The following VPS13D variants were observed in gnomAD, a reference collection of about 807,000 sequenced individuals.
The protein encoded by VPS13D is vacuolar protein sorting 13 homolog D.
In VPS13D, 187 loss-of-function variants were observed where a neutral mutation model predicts 461.9. The observed-to-expected ratio is 0.40, with a 90% CI of 0.36 to 0.46. The LOEUF (loss-of-function observed/expected upper bound fraction) is 0.46. VPS13D is among the 20% of genes least tolerant of loss of function. VPS13D has a pLI of 0.60. For missense variants in VPS13D, 4,711 were observed against 5,364.9 expected, an observed-to-expected ratio of 0.88 and a Z score of 3.81; for synonymous variants, 1,951 against 1,986.3, an observed-to-expected ratio of 0.98 and a Z score of 0.47.
intron 67 of VPS13D, among the ~76,000 whole-genome samples, chr1:12,482,156 C>T (rs1410153955): frequency 1.3e-5 from 2 of 152,194 alleles, no homozygotes; most frequent in East Asian, 1.9e-4. Flanking sequence ...GCAACTTTCA[C>T]GGCCCTGTTC....
At chr1:12,374,658 T>C (rs1644172511) in intron 55 of VPS13D, among the ~76,000 whole-genome samples, 1 of 152,250 alleles carries the variant, frequency 6.6e-6, no homozygotes, top group African/African-American at 2.4e-5. Context: ...TGCATATGTA[T>C]ATGTGTCATT....
At chr1:12,330,013 G>T in intron 37 of VPS13D, 95 bp downstream of exon 37, 2 of 738,964 alleles carry the variant, frequency 2.7e-6, no homozygotes, top group East Asian at 7.0e-5. Flanking sequence ...GAAGGAAAGG[G>T]CAGGGGTGGG....
intron 13 of VPS13D, among the ~76,000 whole-genome samples, chr1:12,265,897 G>A (rs1245091621): frequency 2.6e-5 from 4 of 152,162 alleles, no homozygotes; most frequent in Non-Finnish European, 4.4e-5. Flanking sequence ...GGTGGCTCAC[G>A]CCTGTAATCC....
chr1:12,398,127 A>G (rs1644523086), intron 60 of VPS13D, among the ~76,000 whole-genome samples: 1 of 152,248 alleles, frequency 6.6e-6, no homozygotes, highest in Non-Finnish European at 1.5e-5. Context: ...TAGAGAATAC[A>G]TTGTAGGAGG....
Position 12,378,580 on chromosome 1 carries a change from G to A in VPS13D, c.11070G>A (p.Val3690=). Residue 3690 remains valine, a synonymous_variant, in exon 56 of 70, where the codon GTG becomes GTA. Coordinates refer to ENST00000620676, the MANE Select transcript of VPS13D (RefSeq NM_015378.4). The part of the protein sequence containing the change: ...AILDIAGLAA[V]TDNRYEPLML... ...TAGATATTGCTGGTCTCGCTGCAGT[G>A]ACTGACAACAGGTAATTTTCTAGGC... The A allele has an allele frequency of 6.4e-7, 1 of 1,571,602 alleles. No homozygotes were observed. Among genetic ancestry groups the A allele is most frequent in the Non-Finnish European group, 8.6e-7 (1 of 1,159,368 alleles).
At chr1:12,426,188 G>A (rs1274176226) in intron 65 of VPS13D, among the ~76,000 whole-genome samples, 1 of 152,234 alleles carries the variant, frequency 6.6e-6, no homozygotes, top group African/African-American at 2.4e-5. Context: ...TGACGAAGCT[G>A]ATGTTCCTGT....
At chr1:12,304,460 C>A in intron 25 of VPS13D, 46 bp from the exon 26 acceptor site, 1 of 1,541,362 alleles carries the variant, frequency 6.5e-7, no homozygotes, top group South Asian at 1.2e-5. Context: ...CCAGTGCTGC[C>A]CCCTTCCCAT....
chr1:12,233,815 A>G (rs1459196994), intron 1 of VPS13D, among the ~76,000 whole-genome samples: 2 of 152,158 alleles, frequency 1.3e-5, no homozygotes, highest in African/African-American at 2.4e-5. Context: ...TGGGTGGCTG[A>G]GGCGGGTGGA....
chr1:12,404,030 T>A (rs1245830141), intron 63 of VPS13D, 57 bp downstream of exon 63: 1 of 1,512,812 alleles, frequency 6.6e-7, no homozygotes, highest in Non-Finnish European at 8.9e-7. Flanking sequence ...AAAGAATGAG[T>A]GTGTTTACTA....
intron 13 of VPS13D, among the ~76,000 whole-genome samples, chr1:12,262,749 G>C (rs954723280): frequency 6.6e-6 from 1 of 151,528 alleles, no homozygotes; most frequent in Admixed American, 6.6e-5. Context: ...TGTCGCCTAG[G>C]CTGCAGTGCA....
intron 23 of VPS13D, 59 bp downstream of exon 23, chr1:12,291,183 T>C: frequency 6.4e-7 from 1 of 1,570,886 alleles, no homozygotes; most frequent in Admixed American, 1.9e-5. Context: ...CTGTTTCAGA[T>C]TCTTGTTGGC....
intron 36 of VPS13D, 91 bp downstream of exon 36, chr1:12,327,945 C>A: frequency 8.0e-7 from 1 of 1,242,288 alleles, no homozygotes; most frequent in South Asian, 1.5e-5. Flanking sequence ...CATTCATACT[C>A]TATTTAGTCA....
chr1:12,493,247 G>A (rs939689914), intron 67 of VPS13D, among the ~76,000 whole-genome samples: 1 of 151,490 alleles, frequency 6.6e-6, no homozygotes, highest in Non-Finnish European at 1.5e-5. Context: ...CCAGCACTTT[G>A]GGAGGCCGAG....
At position 12,277,967 on chromosome 1, in the gene VPS13D, G is replaced by A. The variant is rs1380705019; in HGVS notation, c.4379G>A (p.Gly1460Asp). ...ATGTTTTGCCCACCTTCCGGGTCTG[G>A]CAGTGCCAACAGTCAGGAGGAAGCT... ...SRMFCPPSGS[G>D]SANSQEEAHF... The change falls in exon 19 of 70, where the codon GGC becomes GAC. Residue 1460 changes from glycine to aspartate, a missense_variant. Around this residue, in one of 3 missense-constraint regions of VPS13D, gnomAD observed 4,411 missense variants for 4,937.8 expected, o/e 0.89. Coordinates refer to ENST00000620676, the MANE Select transcript of VPS13D (RefSeq NM_015378.4). The A allele has an allele frequency of 1.2e-6, 2 of 1,614,086 alleles. No individual in the cohort carries two copies. Among genetic ancestry groups the A allele is most frequent in the Non-Finnish European group, 1.7e-6 (2 of 1,180,046 alleles).
intron 60 of VPS13D, among the ~76,000 whole-genome samples, chr1:12,389,901 A>G (rs1481377648): frequency 6.6e-6 from 1 of 152,208 alleles, no homozygotes; most frequent in South Asian, 2.1e-4. Context: ...CCTGTATTCC[A>G]TGCATAATCT....
In VPS13D at chr1:12,256,436, G is replaced by C. The variant is rs763443796; in HGVS notation, c.773G>C (p.Arg258Pro). ...LKRNCSKKPL[R>P]SRHSPRIDCD... The stretch of plus-strand genomic sequence containing the variant: ...AGAAACTGCTCCAAGAAGCCCCTGC[G>C]GTCTCGGCACAGTCCCCGTATTGAT... Residue 258 changes from arginine to proline, a missense_variant, in exon 8 of 70, where the codon CGG becomes CCG. By Grantham distance (103) the Arg-to-Pro change is moderately radical. Transcript: ENST00000620676. 9.3e-6 allele frequency: 15 copies of C among 1,613,976 alleles called. No individual in the cohort carries two copies. Among genetic ancestry groups the C allele is most frequent in the Admixed American group, 1.7e-5 (1 of 59,988 alleles).
At chr1:12,419,657 G>A (rs189473805) in intron 65 of VPS13D, among the ~76,000 whole-genome samples, 2 of 152,090 alleles carry the variant, frequency 1.3e-5, no homozygotes, top group Non-Finnish European at 2.9e-5. Context: ...ACACCAAGGG[G>A]ATGGTACTAA....
chr1:12,285,155 A>G (rs748567750), intron 21 of VPS13D, among the ~76,000 whole-genome samples: 3 of 152,174 alleles, frequency 2.0e-5, no homozygotes, highest in Non-Finnish European at 2.9e-5. Flanking sequence ...ATTGTGAAAA[A>G]ATTCAGATAC....
chr1:12,381,984 C>CTTTCTT (rs1557745739), intron 57 of VPS13D, among the ~76,000 whole-genome samples: 7 of 63,310 alleles, frequency 1.1e-4, no homozygotes, highest in African/African-American at 3.4e-4. Flanking sequence ...CTTTCTTTCT[C>CTTTCTT]TCTCTCTCTC....
Sources: allele counts gnomAD v4.1 joint callset (sites outside exome capture counted in the v4.1 genomes callset), GRCh38; gene constraint gnomAD v4.1.1; regional missense constraint gnomAD v4.1.1; transcripts MANE v1.5; gene names NCBI Gene and HGNC (gene_info 2026-07-23, HGNC 2026-07-21).